The following GADL1 variants were observed in gnomAD, a reference collection of about 807,000 sequenced individuals.
GADL1 encodes acidic amino acid decarboxylase GADL1.
A neutral mutation model predicts 69.5 loss-of-function variants in GADL1; 71 were observed. That is an observed-to-expected ratio of 1.02 (90% CI 0.84 to 1.25). GADL1 has a LOEUF of 1.25. GADL1 is among the 50% of genes most tolerant of loss of function. The probability of loss-of-function intolerance (pLI) is 0.00; values close to 1 mark genes in which losing one functional copy is unlikely to be tolerated. For synonymous variants in GADL1, 254 were observed against 214.4 expected (o/e 1.18, Z -1.62); for missense variants, 737 against 631.8 (o/e 1.17, Z -1.79).
At chr3:30,825,054 A>G (rs1697660139) in intron 11 of GADL1, among the ~76,000 whole-genome samples, 3 of 151,920 alleles carry the variant, frequency 2.0e-5, no homozygotes. Flanking sequence ...CCTCTAAATT[A>G]TGATTTTCAA....
intron 4 of GADL1, among the ~76,000 whole-genome samples, chr3:30,852,355 T>C (rs1278531778): frequency 6.6e-6 from 1 of 151,914 alleles, no homozygotes; most frequent in African/African-American, 2.4e-5. Context: ...CTATTAAAAA[T>C]ACAAAAATTA....
At chr3:30,766,714 CAGG>C (rs932970764) in intron 14 of GADL1, among the ~76,000 whole-genome samples, 2 of 152,078 alleles carry the variant, frequency 1.3e-5, no homozygotes, top group Non-Finnish European at 1.5e-5. Flanking sequence ...CAAGTAAAGA[CAGG>C]AGAGAGCAGG....
chr3:30,842,853 A>G, intron 8 of GADL1, among the ~76,000 whole-genome samples: 1 of 148,320 alleles, frequency 6.7e-6, no homozygotes, highest in East Asian at 2.0e-4. Context: ...AGTAGGACAC[A>G]CACCTGAAGT....
chr3:30,812,345 G>A (rs1035858318), intron 11 of GADL1, among the ~76,000 whole-genome samples: 1 of 152,210 alleles, frequency 6.6e-6, no homozygotes, highest in Admixed American at 6.5e-5. Context: ...ATATACCAGA[G>A]ACTGGGCAAT....
chr3:30,886,974 C>T (rs925765755), intron 1 of GADL1, among the ~76,000 whole-genome samples: 1 of 152,192 alleles, frequency 6.6e-6, no homozygotes, highest in African/African-American at 2.4e-5. Flanking sequence ...GGTATCATCT[C>T]ATGTCATCTT....
At position 30,800,850 on chromosome 3, in the gene GADL1, CAG is replaced by C. The variant is rs1290954990; in HGVS notation, c.1250+37_1250+38del. The C allele has an allele frequency of 4.2e-6, 5 of 1,187,846 alleles. No homozygotes were observed. In the South Asian group the frequency reaches 5.2e-5, roughly 12 times the overall value. The allele number at this position is 1,187,846 out of a possible 1,614,324, so 73.6% of individuals were successfully genotyped here. A position where few individuals can be genotyped will look rare whatever the true frequency, so the allele number is the denominator to read the frequency against. On this transcript the variant is annotated intron_variant, in intron 12 of 14. Coordinates refer to ENST00000282538, the MANE Select transcript of GADL1 (RefSeq NM_207359.3). ...ACACACACACACACACACACACACA[CAG>C]AAAGAGAGAGAGAGAGAGAGAGAGA...
chr3:30,770,594 C>CTCT (rs201736918), intron 14 of GADL1, among the ~76,000 whole-genome samples: 2 of 133,434 alleles, frequency 1.5e-5, no homozygotes, highest in Non-Finnish European at 3.0e-5. Context: ...CAAGTGTTTA[C>CTCT]TGTTAGCTGT....
intron 14 of GADL1, among the ~76,000 whole-genome samples, chr3:30,765,631 T>C (rs1022461758): frequency 1.1e-4 from 16 of 152,308 alleles, no homozygotes; most frequent in Admixed American, 1.0e-3. Context: ...TGCTCAGCTG[T>C]CAGCATCTTA....
chr3:30,754,430 T>TC (rs1383883051), intron 14 of GADL1, among the ~76,000 whole-genome samples: 1 of 152,130 alleles, frequency 6.6e-6, no homozygotes, highest in African/African-American at 2.4e-5. Context: ...AAAGCATGAA[T>TC]CCTAAAGGGA....
chr3:30,882,701 G>T (rs1443718509), intron 1 of GADL1, among the ~76,000 whole-genome samples: 1 of 151,864 alleles, frequency 6.6e-6, no homozygotes, highest in Non-Finnish European at 1.5e-5. Flanking sequence ...TGCTGGATAT[G>T]GTAGTTCTAT....
intron 1 of GADL1, among the ~76,000 whole-genome samples, chr3:30,862,890 C>A (rs1047140813): frequency 2.6e-5 from 4 of 151,952 alleles, no homozygotes; most frequent in African/African-American, 9.7e-5. Flanking sequence ...ATTTTTCATT[C>A]TTGCAGCATC....
chr3:30,858,277 G>A (rs1371015190), intron 2 of GADL1, among the ~76,000 whole-genome samples: 1 of 151,972 alleles, frequency 6.6e-6, no homozygotes, highest in Non-Finnish European at 1.5e-5. Context: ...GGCTTTATGT[G>A]ACATATTATA....
intron 1 of GADL1, among the ~76,000 whole-genome samples, chr3:30,864,121 C>T (rs752190662): frequency 6.6e-6 from 1 of 151,968 alleles, no homozygotes; most frequent in Non-Finnish European, 1.5e-5. Flanking sequence ...TGCTCTGCAC[C>T]TGAAGGTACT....
intron 14 of GADL1, among the ~76,000 whole-genome samples, chr3:30,775,049 G>T (rs1396069640): frequency 6.6e-6 from 1 of 152,152 alleles, no homozygotes; most frequent in Non-Finnish European, 1.5e-5. Context: ...AGGATTTTAC[G>T]GAGGGCGTCT....
intron 14 of GADL1, among the ~76,000 whole-genome samples, chr3:30,760,992 G>T (rs1258894943): frequency 6.6e-6 from 1 of 151,926 alleles, no homozygotes; most frequent in Non-Finnish European, 1.5e-5. Context: ...ACCTAGACTG[G>T]CAAAACAAGG....
chr3:30,785,401 C>CT (rs199726905), intron 13 of GADL1, among the ~76,000 whole-genome samples: 2 of 148,406 alleles, frequency 1.3e-5, no homozygotes, highest in African/African-American at 5.1e-5. Context: ...TTTTTCCCCC[C>CT]GAGACAGAGT....
chr3:30,740,519 A>G (rs1695601643), intron 14 of GADL1, among the ~76,000 whole-genome samples: 1 of 152,150 alleles, frequency 6.6e-6, no homozygotes, highest in Admixed American at 6.6e-5. Context: ...AAGTAATGAT[A>G]GTAATAAATT....
chr3:30,855,395 T>A (rs1437286066), intron 3 of GADL1, among the ~76,000 whole-genome samples: 1 of 152,062 alleles, frequency 6.6e-6, no homozygotes, highest in Non-Finnish European at 1.5e-5. Context: ...CAATATTAAC[T>A]TCTCACTTCA....
chr3:30,794,743 C>T (rs988807692), intron 12 of GADL1, among the ~76,000 whole-genome samples: 1 of 152,162 alleles, frequency 6.6e-6, no homozygotes, highest in African/African-American at 2.4e-5. Flanking sequence ...AAATTGGAAT[C>T]ATTGTCCTCC....
Sources: allele counts gnomAD v4.1 joint callset (sites outside exome capture counted in the v4.1 genomes callset), GRCh38; gene constraint gnomAD v4.1.1; transcripts MANE v1.5; gene names NCBI Gene and HGNC (gene_info 2026-07-23, HGNC 2026-07-21).